Variants in CDH4 observed in about 807,000 individuals in gnomAD.
The protein encoded by CDH4 is cadherin-4.
In CDH4, 33 loss-of-function variants were observed where a neutral mutation model predicts 86.0. The observed-to-expected ratio is 0.38, with a 90% CI of 0.29 to 0.51. The LOEUF (loss-of-function observed/expected upper bound fraction) is 0.51. Among genes scored for constraint, CDH4 ranks in the 20% least tolerant of loss-of-function variants. CDH4 has a pLI of 0.86. For missense variants in CDH4, 1,114 were observed against 1,307.4 expected, an observed-to-expected ratio of 0.85 and a Z score of 2.28; for synonymous variants, 555 against 549.4, an observed-to-expected ratio of 1.01 and a Z score of -0.14.
At chr20:61,834,552 G>A (rs1180601815) in intron 4 of CDH4, among the ~76,000 whole-genome samples, 1 of 152,240 alleles carries the variant, frequency 6.6e-6, no homozygotes, top group Non-Finnish European at 1.5e-5. Flanking sequence ...ACCTTCCAGA[G>A]ACAGGTGGGG....
Position 61,886,987 on chromosome 20 carries a change from G to A in CDH4, c.1051-7923G>A, listed in dbSNP as rs560529538. Among the ~76,000 whole-genome samples, 66 of 152,082 alleles carry A rather than the reference G, an allele frequency of 4.3e-4. No homozygotes were observed. In the South Asian group the frequency reaches 7.3e-3, roughly 17 times the overall value. ...TGTAAGCCTTTTAGATAAATGTGTC[G>A]AAACCTCCAGCCAAGCCAGCCCAGG... On this transcript the variant is annotated intron_variant, in intron 7 of 15. Transcript: ENST00000614565.
intron 13 of CDH4, among the ~76,000 whole-genome samples, chr20:61,932,183 G>A (rs929671039): frequency 6.6e-6 from 1 of 152,182 alleles, no homozygotes; most frequent in Admixed American, 6.5e-5. Flanking sequence ...CTGCTGCTCA[G>A]AAGAGGGACT....
chr20:61,666,752 C>T (rs908706062), intron 2 of CDH4, among the ~76,000 whole-genome samples: 9 of 152,222 alleles, frequency 5.9e-5, no homozygotes, highest in African/African-American at 2.2e-4. Flanking sequence ...CCAGATCTTA[C>T]CCTCGATGGG....
chr20:61,934,805 G>A (rs1264409143), intron 15 of CDH4, among the ~76,000 whole-genome samples: 4 of 147,160 alleles, frequency 2.7e-5, no homozygotes, highest in South Asian at 2.3e-4. Flanking sequence ...CAGGGCTGCC[G>A]CCTGACCACC....
intron 2 of CDH4, among the ~76,000 whole-genome samples, chr20:61,340,289 G>C (rs1305196530): frequency 2.6e-5 from 4 of 152,182 alleles, no homozygotes; most frequent in Non-Finnish European, 5.9e-5. Flanking sequence ...CCAGGGAGAT[G>C]GTGTTAGGTG....
chr20:61,433,595 A>T (rs2085261803), intron 2 of CDH4, among the ~76,000 whole-genome samples: 1 of 152,200 alleles, frequency 6.6e-6, no homozygotes, highest in Non-Finnish European at 1.5e-5. Flanking sequence ...TGCAGCATGC[A>T]AGGGTTTGGG....
intron 2 of CDH4, among the ~76,000 whole-genome samples, chr20:61,387,352 C>G (rs1410168079): frequency 2.1e-5 from 3 of 140,998 alleles, no homozygotes; most frequent in African/African-American, 8.0e-5. Context: ...ACACATACAG[C>G]TGCACAAACA....
intron 9 of CDH4, among the ~76,000 whole-genome samples, chr20:61,910,811 C>T (rs1015409472): frequency 1.3e-5 from 2 of 152,130 alleles, no homozygotes; most frequent in South Asian, 4.1e-4. Context: ...TTGGCAGACC[C>T]CCCAAAAATA....
chr20:61,679,338 G>C (rs1263025882), intron 2 of CDH4, among the ~76,000 whole-genome samples: 1 of 152,134 alleles, frequency 6.6e-6, no homozygotes, highest in East Asian at 1.9e-4. Context: ...AGGGCCCCTG[G>C]AGGGCTTTTG....
intron 8 of CDH4, among the ~76,000 whole-genome samples, chr20:61,898,349 G>A (rs1015734136): frequency 1.3e-5 from 2 of 152,342 alleles, no homozygotes; most frequent in African/African-American, 2.4e-5. Context: ...GGCTCTGAGC[G>A]CGGCTGCACT....
intron 2 of CDH4, among the ~76,000 whole-genome samples, chr20:61,699,344 A>T (rs1461942448): frequency 6.6e-6 from 1 of 152,134 alleles, no homozygotes; most frequent in East Asian, 1.9e-4. Context: ...CAGTCATCAC[A>T]AGCCCCCCCA....
chr20:61,444,056 TTGTCTGTGTGTG>T (rs1384431497), intron 2 of CDH4, among the ~76,000 whole-genome samples: 2 of 31,474 alleles, frequency 6.4e-5, no homozygotes, highest in East Asian at 9.2e-4. Context: ...ATATCTCTGG[TTGTCTGTGTGTG>T]TGTCTGTGTG....
At position 61,862,259 on chromosome 20, in the gene CDH4, C is replaced by T. The variant is rs528490990; in HGVS notation, c.877+9361C>T. 2.2e-4 allele frequency among the ~76,000 whole-genome samples: 34 copies of T among 152,300 alleles called. 1 individual carries two copies. The South Asian group carries it at 4.3e-3, about 19-fold the overall frequency. ...GGTTCCAGTTCTGAGCACAGAGACC[C>T]CATCTCCTCCTTCACCCTTGCCGTG... On this transcript the variant is annotated intron_variant, in intron 6 of 15. Coordinates refer to ENST00000614565, the MANE Select transcript of CDH4 (RefSeq NM_001794.5).
At chr20:61,889,444 CATGG>C (rs147429200) in intron 7 of CDH4, among the ~76,000 whole-genome samples, 125,534 of 145,274 alleles carry the variant, frequency 0.86, 54,681 homozygotes, top group Non-Finnish European at 0.91. Context: ...ATGGATGATG[CATGG>C]ATGGATGGAT....
chr20:61,359,225 C>A (rs964507543), intron 2 of CDH4, among the ~76,000 whole-genome samples: 1 of 152,080 alleles, frequency 6.6e-6, no homozygotes, highest in Non-Finnish European at 1.5e-5. Context: ...TTAAACCTGG[C>A]GAGGTATTTA....
intron 2 of CDH4, among the ~76,000 whole-genome samples, chr20:61,560,040 T>C (rs1323390368): frequency 6.6e-6 from 1 of 152,148 alleles, no homozygotes; most frequent in African/African-American, 2.4e-5. Context: ...GTAGCCCAAG[T>C]TCCCAGCAAC....
intron 2 of CDH4, among the ~76,000 whole-genome samples, chr20:61,567,637 A>G (rs1294198117): frequency 6.6e-6 from 1 of 152,236 alleles, no homozygotes; most frequent in Non-Finnish European, 1.5e-5. Flanking sequence ...GTTGCAGACC[A>G]TGCCGGGTCC....
intron 2 of CDH4, among the ~76,000 whole-genome samples, chr20:61,422,606 A>C (rs1415849556): frequency 6.6e-6 from 1 of 152,140 alleles, no homozygotes; most frequent in Admixed American, 6.5e-5. Context: ...CGTGGTGTAC[A>C]TGAGCACAGA....
chr20:61,895,408 C>T (rs967463688), intron 8 of CDH4, among the ~76,000 whole-genome samples: 1 of 152,250 alleles, frequency 6.6e-6, no homozygotes, highest in Non-Finnish European at 1.5e-5. Context: ...GGGGCCTTGG[C>T]ATGGCGGGTC....
Sources: gnomAD v4.1 joint callset for allele counts (sites outside exome capture counted in the v4.1 genomes callset) on GRCh38, gnomAD v4.1.1 for gene constraint, MANE v1.5 for transcripts, NCBI Gene and HGNC (gene_info 2026-07-23, HGNC 2026-07-21) for gene names.